The following ANTXR2 variants were observed in gnomAD, a reference collection of about 807,000 sequenced individuals.
ANTXR2 encodes anthrax toxin receptor 2.
ANTXR2 carries 44 observed loss-of-function variants against 73.7 expected under a neutral mutation model. The ratio of observed to expected loss-of-function variants is 0.60; its 90% CI spans 0.47 to 0.77. The LOEUF (loss-of-function observed/expected upper bound fraction) is 0.77. Ranked by LOEUF, ANTXR2 falls within the 30% of genes least tolerant of loss-of-function variation. ANTXR2 has a pLI of 0.00. For synonymous variants in ANTXR2, 217 were observed against 205.9 expected (o/e 1.05, Z -0.46); for missense variants, 604 against 592.5 (o/e 1.02, Z -0.20).
In ANTXR2 at chr4:79,907,448, G is replaced by C; in HGVS notation, c.1448C>G (p.Ser483Cys). 6.2e-7 allele frequency: 1 copy of C among 1,612,974 alleles called. No individual in the cohort carries two copies. Among genetic ancestry groups the C allele is most frequent in the South Asian group, 1.1e-5 (1 of 90,956 alleles). The change falls in exon 17 of 17, where the codon TCC (serine) becomes TGC (cysteine). Residue 483 changes from serine (S) to cysteine (C), a missense_variant. Coordinates refer to ENST00000403729, the MANE Select transcript of ANTXR2 (RefSeq NM_058172.6). ...EGDEGRCINFSRVPSQ is the reference protein window; with the variant it reads ...EGDEGRCINFCRVPSQ ...TCCCTTTTACTGAGATGGAACTCGGGAGAAGTTTATGCACCGGCCCTGAAG... is the reference window on the plus strand; with the variant it reads ...TCCCTTTTACTGAGATGGAACTCGGCAGAAGTTTATGCACCGGCCCTGAAG...
intron 11 of ANTXR2, among the ~76,000 whole-genome samples, chr4:80,017,593 T>C (rs1002399490): frequency 2.0e-5 from 3 of 152,176 alleles, no homozygotes; most frequent in Non-Finnish European, 4.4e-5. Flanking sequence ...GTGAAAATCA[T>C]GCATTGTTAT....
intron 12 of ANTXR2, among the ~76,000 whole-genome samples, chr4:79,995,351 C>T (rs1167296261): frequency 6.6e-6 from 1 of 151,678 alleles, no homozygotes; most frequent in Non-Finnish European, 1.5e-5. Context: ...AGTTGATTTC[C>T]AAATGTATAA....
chr4:80,012,762 G>A (rs958858066), intron 11 of ANTXR2, among the ~76,000 whole-genome samples: 1 of 152,178 alleles, frequency 6.6e-6, no homozygotes, highest in African/African-American at 2.4e-5. Flanking sequence ...TGCAGGGACA[G>A]TAAGGACTGA....
At chr4:80,029,365 G>GC (rs997652053) in intron 10 of ANTXR2, among the ~76,000 whole-genome samples, 2 of 151,558 alleles carry the variant, frequency 1.3e-5, no homozygotes, top group Non-Finnish European at 2.9e-5. Context: ...AAATAGTATG[G>GC]CCCCCCAAAA....
intron 7 of ANTXR2, among the ~76,000 whole-genome samples, chr4:80,044,477 T>C (rs1733422942): frequency 6.6e-6 from 1 of 151,908 alleles, no homozygotes; most frequent in Non-Finnish European, 1.5e-5. Flanking sequence ...GAGTTGTAGT[T>C]GGTGTCGATC....
chr4:79,910,523 GAAAAAAAAGAAA>G (rs1578074536), intron 16 of ANTXR2, among the ~76,000 whole-genome samples: 4 of 68,628 alleles, frequency 5.8e-5, no homozygotes, highest in East Asian at 6.2e-4. Flanking sequence ...AAAAAAAAAA[GAAAAAAAAGAAA>G]AAAAAAAAGA....
intron 12 of ANTXR2, among the ~76,000 whole-genome samples, chr4:79,996,385 G>A (rs1355289937): frequency 6.6e-6 from 1 of 151,606 alleles, no homozygotes; most frequent in East Asian, 1.9e-4. Flanking sequence ...ATAGATGATA[G>A]ATAATTACAC....
intron 16 of ANTXR2, among the ~76,000 whole-genome samples, chr4:79,956,644 G>A (rs1168424124): frequency 5.3e-5 from 8 of 151,952 alleles, no homozygotes; most frequent in East Asian, 1.9e-4. Flanking sequence ...TAGCTGAATC[G>A]GAGTTCTGAC....
intron 10 of ANTXR2, 72 bp from the exon 11 acceptor site, chr4:80,019,048 T>C: frequency 9.3e-7 from 1 of 1,080,222 alleles, no homozygotes; most frequent in East Asian, 3.0e-5. Flanking sequence ...TATTTCCTTA[T>C]GTAATTCAAA....
intron 12 of ANTXR2, among the ~76,000 whole-genome samples, chr4:79,997,971 TA>T (rs1730811117): frequency 6.6e-6 from 1 of 151,944 alleles, no homozygotes; most frequent in African/African-American, 2.4e-5. Context: ...GAAGGTATAT[TA>T]AAATTTAAAT....
chr4:79,909,823 A>G (rs928966304), intron 16 of ANTXR2, among the ~76,000 whole-genome samples: 1 of 152,180 alleles, frequency 6.6e-6, no homozygotes, highest in Non-Finnish European at 1.5e-5. Flanking sequence ...TCAAAAATTT[A>G]AAAGGAGGTG....
rs1188145010 is a variant in ANTXR2 at position 79,902,900 on chromosome 4, C to T, written c.*4529G>A. The T allele has an allele frequency of 6.6e-6, 1 of 151,976 alleles. No homozygotes were observed. The highest frequency in any genetic ancestry group is 1.5e-5 in the Non-Finnish European group (1 of 68,008). 9.4% of individuals were successfully genotyped at this position (151,976 alleles called of 1,614,324 possible). A position where few individuals can be genotyped will look rare whatever the true frequency, so the allele number is the denominator to read the frequency against. Reference sequence around the variant, plus strand: ...GTGCAGTAGCTTGTGCCTGTAATCACAGCATTTGGGAGACTGAGGCAGGAG... The same window carrying T: ...GTGCAGTAGCTTGTGCCTGTAATCATAGCATTTGGGAGACTGAGGCAGGAG... On this transcript the variant is annotated 3_prime_UTR_variant, in exon 17 of 17. Coordinates refer to ENST00000403729, the MANE Select transcript of ANTXR2 (RefSeq NM_058172.6).
chr4:79,915,010 A>G (rs534973083), intron 16 of ANTXR2, among the ~76,000 whole-genome samples: 1 of 152,252 alleles, frequency 6.6e-6, no homozygotes, highest in East Asian at 1.9e-4. Context: ...TAAACTCACA[A>G]TCGGAATCTT....
chr4:80,011,299 CTAT>C (rs1731568544), intron 11 of ANTXR2, among the ~76,000 whole-genome samples: 1 of 151,550 alleles, frequency 6.6e-6, no homozygotes, highest in Non-Finnish European at 1.5e-5. Context: ...ATCTATCTAT[CTAT>C]CTATCTATCT....
At chr4:79,999,045 G>T (rs887103291) in intron 12 of ANTXR2, among the ~76,000 whole-genome samples, 2 of 152,130 alleles carry the variant, frequency 1.3e-5, no homozygotes, top group African/African-American at 4.8e-5. Flanking sequence ...TCTTTAGTAT[G>T]AACTGAAAGA....
At chr4:80,031,264 A>ATGCACACACATGTGTGTGCG (rs773560592) in intron 10 of ANTXR2, among the ~76,000 whole-genome samples, 1 of 61,394 alleles carries the variant, frequency 1.6e-5, no homozygotes, top group Non-Finnish European at 5.3e-5. Context: ...GGGTGTGTGC[A>ATGCACACACATGTGTGTGCG]TGCACACACA....
intron 16 of ANTXR2, among the ~76,000 whole-genome samples, chr4:79,955,518 C>T (rs1339439629): frequency 2.0e-5 from 3 of 151,818 alleles, no homozygotes; most frequent in Non-Finnish European, 4.4e-5. Context: ...AGAATTTCCA[C>T]CTGCATGAAT....
intron 16 of ANTXR2, among the ~76,000 whole-genome samples, chr4:79,964,261 G>T (rs929196665): frequency 1.4e-4 from 22 of 152,120 alleles, no homozygotes; most frequent in African/African-American, 5.3e-4. Context: ...CTAGTGCTGC[G>T]CTTTCTTCTT....
At chr4:80,018,246 T>C (rs11934280) in intron 11 of ANTXR2, among the ~76,000 whole-genome samples, 13,825 of 152,182 alleles carry the variant, frequency 0.091, 2,034 homozygotes, top group African/African-American at 0.31. Flanking sequence ...TGTTTAGTGC[T>C]GCCCGTTTCC....
Sources: allele counts gnomAD v4.1 joint callset (sites outside exome capture counted in the v4.1 genomes callset), GRCh38; gene constraint gnomAD v4.1.1; transcripts MANE v1.5; gene names NCBI Gene and HGNC (gene_info 2026-07-23, HGNC 2026-07-21).